SON: variants seen among roughly 807,000 people sequenced by gnomAD.
SON encodes protein SON.
In SON, 4 loss-of-function variants were observed where a neutral mutation model predicts 173.3. The ratio of observed to expected loss-of-function variants is 0.02; its 90% CI spans 0.01 to 0.05. The LOEUF is 0.05. Ranked by LOEUF, SON falls within the 10% of genes least tolerant of loss-of-function variation. The pLI, the probability that SON is intolerant of heterozygous loss-of-function variation, is 1.00. For missense variants in SON, 2,626 were observed against 3,055.3 expected (o/e 0.86, Z 3.31); for synonymous variants, 1,190 against 1,105.9 (o/e 1.08, Z -1.51).
At position 33,552,495 on chromosome 21, in the gene SON, T is replaced by C. The variant is rs769064391; in HGVS notation, c.3264T>C (p.Ala1088=). 1.9e-6 allele frequency: 3 copies of C among 1,614,072 alleles called. No individual in the cohort carries two copies. The highest frequency in any genetic ancestry group is 2.2e-5 in the East Asian group (1 of 44,888). ...ATCGATCTATGATGTCCATGGGTGC[T>C]GACCGGTCTATGATGTCGTCATACT... is the stretch of plus-strand genomic sequence containing the variant. The part of the protein sequence containing the change: ...MADRSMMSMG[A]DRSMMSSYSA... The change falls in exon 3 of 12, where the codon GCT becomes GCC. Residue 1088 remains alanine, a synonymous_variant. Coordinates refer to ENST00000356577, the MANE Select transcript of SON (RefSeq NM_138927.4). This position sits in a 1 kb window ranked among gnomAD's most constrained non-coding sequence, Gnocchi z 5.6.
Position 33,553,069 on chromosome 21 carries a change from C to T in SON, c.3838C>T (p.Pro1280Ser). Residue 1280 changes from proline (P) to serine (S), a missense_variant, in exon 3 of 12, where the codon CCA becomes TCA. Around this residue, in one of 13 missense-constraint regions of SON, gnomAD observed 1,006 missense variants for 895.6 expected, o/e 1.12. Transcript: ENST00000356577. ...AEEHEVVPER[P>S]VTCMVSETPA... ...AGAACATGAAGTTGTTCCAGAGAGA[C>T]CAGTGACTTGTATGGTATCTGAAAC... 2 of 1,613,450 alleles carry T rather than the reference C, an allele frequency of 1.2e-6. No homozygotes were observed. The highest frequency in any genetic ancestry group is 1.7e-6 in the Non-Finnish European group (2 of 1,179,396).
At chr21:33,547,789 A>G (rs763241265) in intron 2 of SON, among the ~76,000 whole-genome samples, 28 of 130,892 alleles carry the variant, frequency 2.1e-4, no homozygotes, top group Non-Finnish European at 3.5e-4. Context: ...ATCTCAGCTG[A>G]CTGCAAGCTC....
chr21:33,554,469 A>G lies in SON; in HGVS notation c.5238A>G (p.Thr1746=). The change falls in exon 3 of 12, where the codon ACA becomes ACG. Residue 1746 remains threonine (T), a synonymous_variant. Coordinates refer to ENST00000356577, the MANE Select transcript of SON (RefSeq NM_138927.4). ...PLLPKDMERL[T]SLRAGIEGPL... Reference sequence around the variant, plus strand: ...TTCCTAAGGACATGGAACGTCTTACAAGCCTTAGAGCTGGCATTGAAGGAC... The same window carrying G: ...TTCCTAAGGACATGGAACGTCTTACGAGCCTTAGAGCTGGCATTGAAGGAC... 1 of 1,614,210 alleles carries G rather than the reference A, an allele frequency of 6.2e-7. No individual in the cohort carries two copies. The highest frequency in any genetic ancestry group is 8.5e-7 in the Non-Finnish European group (1 of 1,180,044).
In SON at chr21:33,553,554, G is replaced by C. The variant is rs193041616; in HGVS notation, c.4323G>C (p.Gln1441His). Residue 1441 changes from glutamine (Q) to histidine (H), a missense_variant, in exon 3 of 12, where the codon CAG (glutamine) becomes CAC (histidine). Physicochemically the swap from Gln to His is conservative, Grantham distance 24 (BLOSUM62 0). Coordinates refer to ENST00000356577, the MANE Select transcript of SON (RefSeq NM_138927.4). ...TTTCAGAACCATCTGTTTCTGTCCA[G>C]GAATCGACTGTGACAGTTTCAGAGC... The part of the protein sequence containing the change: ...MIVSEPSVSV[Q>H]ESTVTVSEPA... 6.2e-7 allele frequency: 1 copy of C among 1,614,110 alleles called. No individual in the cohort carries two copies. Among genetic ancestry groups the C allele is most frequent in the Non-Finnish European group, 8.5e-7 (1 of 1,180,018 alleles).
At chr21:33,560,571 T>C in intron 6 of SON, 3 of 959,314 alleles carry the variant, frequency 3.1e-6, no homozygotes, top group South Asian at 4.8e-5. Context: ...CAAGACTGTA[T>C]ATATATGTAA....
At position 33,567,512 on chromosome 21, in the gene SON, C is replaced by T. The variant is rs115459257; in HGVS notation, c.6768+245C>T. The T allele has an allele frequency of 1.8e-3, 834 of 468,034 alleles. 10 individuals are homozygous for T. The highest frequency in any genetic ancestry group is 0.015 in the African/African-American group (758 of 51,314). 29.0% of individuals were successfully genotyped at this position (468,034 alleles called of 1,614,324 possible). ...TGAGAGAACAAAATAGAAAAATTTCCCTGTCCTCACAGAGTTTACAATCTG... is the reference window on the plus strand; with the variant it reads ...TGAGAGAACAAAATAGAAAAATTTCTCTGTCCTCACAGAGTTTACAATCTG... On this transcript the variant is annotated intron_variant, in intron 7 of 11. Coordinates refer to ENST00000356577, the MANE Select transcript of SON (RefSeq NM_138927.4).
At position 33,551,969 on chromosome 21, in the gene SON, C is replaced by T; in HGVS notation, c.2738C>T (p.Pro913Leu). ...ATGTTGGGTTCAAAATCTCCTGATC[C>T]CTATAGGTTAGCTCAGGATCCTTAC... is the stretch of plus-strand genomic sequence containing the variant. ...SAMLGSKSPD[P>L]YRLAQDPYRL... The change falls in exon 3 of 12, where the codon CCC becomes CTC. Residue 913 changes from proline to leucine, a missense_variant. Coordinates refer to ENST00000356577, the MANE Select transcript of SON (RefSeq NM_138927.4). The T allele has an allele frequency of 6.2e-7, 1 of 1,613,892 alleles. No individual in the cohort carries two copies. The highest frequency in any genetic ancestry group is 8.5e-7 in the Non-Finnish European group (1 of 1,179,816).
rs2086028870 is a variant in SON at position 33,559,445 on chromosome 21, C to T, written c.6468+69C>T. The T allele has an allele frequency of 5.3e-6, 8 of 1,501,774 alleles. No homozygotes were observed. Among genetic ancestry groups the T allele is most frequent in the South Asian group, 1.3e-5 (1 of 76,772 alleles). The allele number at this position is 1,501,774 out of a possible 1,614,324, so 93.0% of individuals were successfully genotyped here. ...GGAACTATTTAAATAAAACCCAAATCGAATTTAGTTTATTAATTTTTGTTT... is the reference window on the plus strand; with the variant it reads ...GGAACTATTTAAATAAAACCCAAATTGAATTTAGTTTATTAATTTTTGTTT... On this transcript the variant is annotated intron_variant, in intron 5 of 11. Coordinates refer to ENST00000356577, the MANE Select transcript of SON (RefSeq NM_138927.4). This position sits in a 1 kb window ranked among gnomAD's most constrained non-coding sequence, Gnocchi z 4.1.
chr21:33,564,879 AAATG>A (rs1315498105), intron 6 of SON, among the ~76,000 whole-genome samples: 13 of 151,714 alleles, frequency 8.6e-5, no homozygotes, highest in Admixed American at 3.3e-4. Flanking sequence ...AAAAAAAAAA[AAATG>A]AAACCAGTAG....
At chr21:33,570,796 G>A (rs1221357538) in intron 8 of SON, among the ~76,000 whole-genome samples, 1 of 152,154 alleles carries the variant, frequency 6.6e-6, no homozygotes, top group Non-Finnish European at 1.5e-5. Flanking sequence ...ATAATACAGA[G>A]TCATGTACAC....
intron 2 of SON, among the ~76,000 whole-genome samples, chr21:33,548,974 A>T (rs1254237551): frequency 6.6e-6 from 1 of 152,186 alleles, no homozygotes; most frequent in African/African-American, 2.4e-5. Flanking sequence ...CCCAGGCATT[A>T]GTTGTGGAAA....
chr21:33,557,503 C>G, intron 4 of SON, 187 bp downstream of exon 4: 1 of 1,550,902 alleles, frequency 6.4e-7, no homozygotes, highest in East Asian at 2.4e-5. Context: ...GATGGCTAAG[C>G]TCCGCTAGCT....
Position 33,555,344 on chromosome 21 carries a change from C to A in SON, c.6113C>A (p.Ser2038Tyr). The change falls in exon 3 of 12, where the codon TCC (serine) becomes TAC (tyrosine). Residue 2038 changes from serine to tyrosine, a missense_variant. Ser to Tyr is a moderately radical substitution (Grantham distance 144, BLOSUM62 -2). Around this residue, in one of 13 missense-constraint regions of SON, gnomAD observed 138 missense variants for 222.9 expected, o/e 0.62. Transcript: ENST00000356577. ...AGATCTCCCATCCGTCGTAAAAGAT[C>A]CAGGTCTTCTGAACGAGGCAGATCA... ...FSRSPIRRKR[S>Y]RSSERGRSPK... 1.9e-6 allele frequency: 3 copies of A among 1,592,828 alleles called. No homozygotes were observed. The highest frequency in any genetic ancestry group is 2.3e-5 in the East Asian group (1 of 42,828).
At chr21:33,556,774 G>A (rs182744380) in intron 3 of SON, among the ~76,000 whole-genome samples, 1 of 151,704 alleles carries the variant, frequency 6.6e-6, no homozygotes, top group African/African-American at 2.4e-5. Flanking sequence ...TAAGGTGTCA[G>A]AAGGAGAGTA....
rs1240603016 is a variant in SON, at chr21:33,572,327, T to C, written c.6886-981T>C. On this transcript the variant is annotated intron_variant, in intron 8 of 11. Transcript: ENST00000356577. ...ATCAACAGTACAACTTAATACTGTT[T>C]GCTATATGTACATGGATGCCCTTTA... is the stretch of plus-strand genomic sequence containing the variant. 1.6e-4 allele frequency: 35 copies of C among 220,028 alleles called. 1 individual carries two copies. In the Admixed American group the frequency reaches 1.8e-3, roughly 11 times the overall value. 13.6% of individuals were successfully genotyped at this position (220,028 alleles called of 1,614,324 possible).
rs1296394495 is a variant in SON, at chr21:33,551,445, C to A, written c.2214C>A (p.Ser738=). Residue 738 remains serine, a synonymous_variant, in exon 3 of 12, where the codon TCC becomes TCA. Coordinates refer to ENST00000356577, the MANE Select transcript of SON (RefSeq NM_138927.4). ...CCATGGACTCCCAAATGCTAGCGTC[C>A]AACACCATGGACTCCCAGATGCTAG... is the stretch of plus-strand genomic sequence containing the variant. ...SNTMDSQMLA[S]NTMDSQMLAS... 1 of 1,613,966 alleles carries A rather than the reference C, an allele frequency of 6.2e-7. No individual in the cohort carries two copies. Among genetic ancestry groups the A allele is most frequent in the Non-Finnish European group, 8.5e-7 (1 of 1,179,928 alleles).
At chr21:33,574,546 C>G (rs1473750768) in intron 9 of SON, among the ~76,000 whole-genome samples, 1 of 152,180 alleles carries the variant, frequency 6.6e-6, no homozygotes, top group Non-Finnish European at 1.5e-5. Flanking sequence ...CATCCCACAT[C>G]TGGAAACCTG....
chr21:33,569,689 C>T, intron 8 of SON: 3 of 436,842 alleles, frequency 6.9e-6, no homozygotes, highest in South Asian at 5.0e-5. Context: ...GTTGGGAGGC[C>T]CTAGTATTAG....
chr21:33,555,036 T>A lies in SON; in HGVS notation c.5805T>A (p.Ser1935Arg). The A allele has an allele frequency of 6.2e-7, 1 of 1,612,918 alleles. No individual in the cohort carries two copies. The highest frequency in any genetic ancestry group is 8.5e-7 in the Non-Finnish European group (1 of 1,179,918). ...GTCGGAGTCGGAGTCATACTCCAAG[T>A]CGTCGACGAAGGTCTAGATCTGTGG... ...PSRRSRSHTP[S>R]RRRRSRSVGR... The change falls in exon 3 of 12, where the codon AGT becomes AGA. Residue 1935 changes from serine to arginine, a missense_variant. Physicochemically the swap from Ser to Arg is moderately radical, Grantham distance 110 (BLOSUM62 -1). Transcript: ENST00000356577.
Sources: allele counts gnomAD v4.1 joint callset (sites outside exome capture counted in the v4.1 genomes callset), GRCh38; gene constraint gnomAD v4.1.1; regional missense constraint gnomAD v4.1.1; non-coding constraint Gnocchi (gnomAD v3.1); transcripts MANE v1.5; gene names NCBI Gene and HGNC (gene_info 2026-07-23, HGNC 2026-07-21).